The following ZMAT5 variants were observed in gnomAD, a reference collection of about 807,000 sequenced individuals.
ZMAT5 encodes the protein zinc finger matrin-type 5, also known as zinc finger matrin-type protein 5.
A neutral mutation model predicts 28.0 loss-of-function variants in ZMAT5; 23 were observed. That is an observed-to-expected ratio of 0.82 (90% CI 0.59 to 1.16). The LOEUF is 1.16. Ranked by LOEUF, ZMAT5 falls within the 50% of genes most tolerant of loss-of-function variation. The probability of loss-of-function intolerance (pLI) is 0.00; values close to 1 mark genes in which losing one functional copy is unlikely to be tolerated. For missense variants in ZMAT5, 173 were observed against 212.7 expected (o/e 0.81, Z 1.16); for synonymous variants, 76 against 84.1 (o/e 0.90, Z 0.52).
chr22:29,740,058 G>C (rs1046162111), intron 4 of ZMAT5, among the ~76,000 whole-genome samples: 21 of 152,214 alleles, frequency 1.4e-4, no homozygotes, highest in African/African-American at 4.3e-4. Context: ...CTGAATGTTG[G>C]CCTTAGTTTC....
intron 1 of ZMAT5, among the ~76,000 whole-genome samples, chr22:29,764,537 A>T (rs1323709729): frequency 6.6e-6 from 1 of 152,090 alleles, no homozygotes; most frequent in Non-Finnish European, 1.5e-5. Flanking sequence ...TTTGAGCTCC[A>T]TCACCCAGGC....
intron 4 of ZMAT5, among the ~76,000 whole-genome samples, chr22:29,738,950 G>A (rs1235005149): frequency 1.3e-5 from 2 of 151,964 alleles, no homozygotes; most frequent in Non-Finnish European, 2.9e-5. Context: ...GGTGGAGGCT[G>A]CAGTGAGCTA....
At chr22:29,736,988 T>C (rs2067911555) in intron 5 of ZMAT5, among the ~76,000 whole-genome samples, 1 of 147,490 alleles carries the variant, frequency 6.8e-6, no homozygotes, top group African/African-American at 2.5e-5. Context: ...ATTGCACCAC[T>C]GTACTCCAGC....
intron 4 of ZMAT5, among the ~76,000 whole-genome samples, chr22:29,739,635 C>T (rs1265630892): frequency 2.0e-5 from 3 of 152,240 alleles, no homozygotes; most frequent in Non-Finnish European, 4.4e-5. Flanking sequence ...CCCCGCTCGG[C>T]ATCGTCTCCA....
intron 4 of ZMAT5, 83 bp from the exon 5 acceptor site, chr22:29,738,524 T>G (rs1265370295): frequency 3.2e-6 from 4 of 1,252,370 alleles, no homozygotes; most frequent in African/African-American, 3.0e-5. Context: ...CAGAAGCAAC[T>G]GGTAGGCCCT....
At chr22:29,752,880 C>T (rs1410471070) in intron 1 of ZMAT5, among the ~76,000 whole-genome samples, 1 of 152,194 alleles carries the variant, frequency 6.6e-6, no homozygotes, top group Non-Finnish European at 1.5e-5. Flanking sequence ...GACACATGTG[C>T]AGTGTCAGGC....
chr22:29,760,091 C>T (rs909022904), intron 1 of ZMAT5, among the ~76,000 whole-genome samples: 30 of 152,106 alleles, frequency 2.0e-4, no homozygotes, highest in African/African-American at 7.0e-4. Context: ...GTCCCTGCTA[C>T]TCGAAAGGCT....
chr22:29,759,293 A>G (rs1310180199), intron 1 of ZMAT5, among the ~76,000 whole-genome samples: 1 of 152,118 alleles, frequency 6.6e-6, no homozygotes, highest in Admixed American at 6.6e-5. Context: ...GGCACCAAAT[A>G]TCATCTGATC....
intron 1 of ZMAT5, among the ~76,000 whole-genome samples, chr22:29,753,071 T>C (rs564922862): frequency 6.6e-6 from 1 of 152,110 alleles, no homozygotes; most frequent in South Asian, 2.1e-4. Flanking sequence ...ACCAGCTATC[T>C]CTGCATTTCT....
At chr22:29,747,041 A>T (rs775571374) in intron 2 of ZMAT5, 5 of 152,088 alleles carry the variant, frequency 3.3e-5, no homozygotes, top group African/African-American at 4.8e-5. Context: ...CCCTCAAGTG[A>T]AATGCGGAGT....
chr22:29,763,475 G>A (rs1322965698), intron 1 of ZMAT5, among the ~76,000 whole-genome samples: 2 of 150,168 alleles, frequency 1.3e-5, no homozygotes, highest in East Asian at 2.0e-4. Context: ...GGTGGCGGGC[G>A]CCTGTAATCC....
chr22:29,739,518 G>A (rs1178457437), intron 4 of ZMAT5, among the ~76,000 whole-genome samples: 1 of 152,200 alleles, frequency 6.6e-6, no homozygotes, highest in Non-Finnish European at 1.5e-5. Context: ...GCCTCCAAGA[G>A]GTTAAGCCAC....
At chr22:29,764,657 C>T (rs965508449) in intron 1 of ZMAT5, among the ~76,000 whole-genome samples, 6 of 152,260 alleles carry the variant, frequency 3.9e-5, no homozygotes, top group South Asian at 4.1e-4. Flanking sequence ...GGTACCACCA[C>T]ACCTGGCTAA....
Position 29,731,344 on chromosome 22 carries a change from T to C in ZMAT5, c.394A>G (p.Ile132Val). Residue 132 changes from isoleucine to valine, a missense_variant, in exon 6 of 6, where the codon ATC becomes GTC. By Grantham distance (29) the Ile-to-Val change is conservative. Transcript: ENST00000344318. ...GGGTACTGGAAGACAGTGGTTCTGA[T>C]GGGTTCAGCCCTAGAGAGAGAGAGA... ...SSAPSSRAEP[I>V]RTTVFQYPVG... 1 of 1,542,066 alleles carries C rather than the reference T, an allele frequency of 6.5e-7. No individual in the cohort carries two copies. The highest frequency in any genetic ancestry group is 1.7e-4 in the Middle Eastern group (1 of 5,914).
chr22:29,733,112 G>A lies in ZMAT5; in HGVS notation c.384-1758C>T, dbSNP rs561086972. 6.6e-5 allele frequency among the ~76,000 whole-genome samples: 10 copies of A among 152,318 alleles called. No individual in the cohort carries two copies. The East Asian group carries it at 1.9e-3, about 29-fold the overall frequency. ...AGTCACGTGACCAAGTGACACCCTC[G>A]GGATGAGGCCTGAGGGCCTGGAATA... On this transcript the variant is annotated intron_variant, in intron 5 of 5. Coordinates refer to ENST00000344318, the MANE Select transcript of ZMAT5 (RefSeq NM_001003692.2).
At chr22:29,757,094 T>C (rs912503478) in intron 1 of ZMAT5, among the ~76,000 whole-genome samples, 11 of 151,852 alleles carry the variant, frequency 7.2e-5, no homozygotes, top group Admixed American at 7.2e-4. Context: ...CACACACCTG[T>C]TGTCCCAGCT....
At position 29,740,715 on chromosome 22, in the gene ZMAT5, C is replaced by T; in HGVS notation, c.206G>A (p.Gly69Asp). 6.3e-7 allele frequency: 1 copy of T among 1,598,990 alleles called. No homozygotes were observed. Among genetic ancestry groups the T allele is most frequent in the Non-Finnish European group, 8.5e-7 (1 of 1,173,092 alleles). Residue 69 changes from glycine to aspartate, a missense_variant, in exon 4 of 6, where the codon GGC (glycine) becomes GAC (aspartate). Gly to Asp is a moderately conservative substitution (Grantham distance 94). Transcript: ENST00000344318. The part of the protein sequence containing the change: ...KFLLTGQCDF[G>D]SNCRFSHMSE... ...CATGTGGGAAAATCTGCAGTTGGAG[C>T]CAAAGTCGCACTGGCCTGCAGCAGG... is the stretch of plus-strand genomic sequence containing the variant.
At chr22:29,732,491 G>A (rs767168656) in intron 5 of ZMAT5, among the ~76,000 whole-genome samples, 14 of 152,092 alleles carry the variant, frequency 9.2e-5, no homozygotes, top group Non-Finnish European at 1.6e-4. Context: ...TAATCCCAGC[G>A]CTTTGGGAGG....
intron 4 of ZMAT5, among the ~76,000 whole-genome samples, 187 bp from the exon 5 acceptor site, chr22:29,738,628 C>T (rs929871686): frequency 7.2e-5 from 11 of 152,104 alleles, no homozygotes; most frequent in African/African-American, 2.2e-4. Context: ...CACTCGGCCT[C>T]GCTCTGTTTT....
Sources: allele counts gnomAD v4.1 joint callset (sites outside exome capture counted in the v4.1 genomes callset), GRCh38; gene constraint gnomAD v4.1.1; transcripts MANE v1.5; gene names NCBI Gene and HGNC (gene_info 2026-07-23, HGNC 2026-07-21).